ADAMTSL1: variants seen among roughly 807,000 people sequenced by gnomAD.
The protein encoded by ADAMTSL1 is ADAMTS-like protein 1.
Under a neutral mutation model 201.8 loss-of-function variants are expected in ADAMTSL1, and 126 were observed. The ratio of observed to expected loss-of-function variants is 0.62; its 90% CI spans 0.54 to 0.72. ADAMTSL1 has a LOEUF of 0.72. Among genes scored for constraint, ADAMTSL1 ranks in the 30% least tolerant of loss-of-function variants. The pLI, the probability that ADAMTSL1 is intolerant of heterozygous loss-of-function variation, is 0.00. For synonymous variants in ADAMTSL1, 1,121 were observed against 903.4 expected (o/e 1.24, Z -4.32); for missense variants, 2,679 against 2,277.8 (o/e 1.18, Z -3.59).
At chr9:18,182,100 G>T (rs1828507563) in intron 2 of ADAMTSL1, among the ~76,000 whole-genome samples, 1 of 149,138 alleles carries the variant, frequency 6.7e-6, no homozygotes. Flanking sequence ...AGAACTCATG[G>T]ACACAGGAAG....
chr9:18,471,825 G>C (rs1394556427), upstream of ADAMTSL1, among the ~76,000 whole-genome samples: 1 of 152,148 alleles, frequency 6.6e-6, no homozygotes, highest in Non-Finnish European at 1.5e-5. Context: ...CTGTACATTA[G>C]CATGCCCATT....
At chr9:18,619,042 G>T (rs531574496) in intron 4 of ADAMTSL1, among the ~76,000 whole-genome samples, 1 of 152,140 alleles carries the variant, frequency 6.6e-6, no homozygotes. Context: ...TTGAGCAGAC[G>T]CCTGATTTGG....
chr9:18,859,741 A>G (rs1459929451), intron 23 of ADAMTSL1, among the ~76,000 whole-genome samples: 1 of 152,202 alleles, frequency 6.6e-6, no homozygotes, highest in East Asian at 1.9e-4. Context: ...GAAATTCACC[A>G]CAGCGTAGTT....
At chr9:18,844,219 G>T (rs904232769) in intron 23 of ADAMTSL1, among the ~76,000 whole-genome samples, 1 of 152,130 alleles carries the variant, frequency 6.6e-6, no homozygotes, top group Non-Finnish European at 1.5e-5. Flanking sequence ...TTTTGGTGTG[G>T]ATGTCTTTTC....
At chr9:18,030,323 C>T (rs1158616368) in intron 1 of ADAMTSL1, among the ~76,000 whole-genome samples, 1 of 152,018 alleles carries the variant, frequency 6.6e-6, no homozygotes, top group Non-Finnish European at 1.5e-5. Flanking sequence ...CACATGTTCT[C>T]ACTCATAGGT....
chr9:18,216,901 C>T (rs1830076712), intron 2 of ADAMTSL1, among the ~76,000 whole-genome samples: 1 of 152,000 alleles, frequency 6.6e-6, no homozygotes, highest in Admixed American at 6.6e-5. Context: ...TACCCCTTAC[C>T]AGCTGTGTGG....
intron 2 of ADAMTSL1, among the ~76,000 whole-genome samples, chr9:18,522,233 C>T (rs1818741257): frequency 6.6e-6 from 1 of 152,056 alleles, no homozygotes; most frequent in African/African-American, 2.4e-5. Flanking sequence ...CTAACCCATA[C>T]CTCAGCATCA....
intron 23 of ADAMTSL1, among the ~76,000 whole-genome samples, chr9:18,841,780 C>A (rs1466605798): frequency 3.3e-5 from 5 of 152,088 alleles, no homozygotes; most frequent in Non-Finnish European, 5.9e-5. Context: ...GTGTATGTGT[C>A]GAGGAATTTA....
At position 18,905,874 on chromosome 9, in the gene ADAMTSL1, G is replaced by A. The variant is rs370842526; in HGVS notation, c.4944G>A (p.Gln1648=). 2 of 1,611,490 alleles carry A rather than the reference G, an allele frequency of 1.2e-6. No individual in the cohort carries two copies. Among genetic ancestry groups the A allele is most frequent in the Admixed American group, 3.3e-5 (2 of 59,878 alleles). The change falls in exon 27 of 29, where the codon CAG becomes CAA. Residue 1648 remains glutamine, a synonymous_variant. Transcript: ENST00000380548. ...ATGGCATCACCTTACCATCAGAGCA[G>A]TGCAGTGCTCTTCCGAGGTAAGAGA... ...TRDGITLPSE[Q]CSALPRPVST... is the part of the protein sequence containing the mutation.
chr9:18,205,683 C>T (rs1456336695), intron 2 of ADAMTSL1, among the ~76,000 whole-genome samples: 3 of 152,054 alleles, frequency 2.0e-5, no homozygotes, highest in Non-Finnish European at 4.4e-5. Context: ...ATTCATATTT[C>T]CTGGAGCAAG....
intron 1 of ADAMTSL1, among the ~76,000 whole-genome samples, chr9:17,932,795 T>G (rs1211523655): frequency 1.3e-5 from 2 of 152,182 alleles, no homozygotes; most frequent in African/African-American, 4.8e-5. Flanking sequence ...TGTCCTTTTT[T>G]GAAACAAATA....
chr9:18,279,922 A>G (rs1832719896), intron 2 of ADAMTSL1, among the ~76,000 whole-genome samples: 1 of 151,084 alleles, frequency 6.6e-6, no homozygotes, highest in Non-Finnish European at 1.5e-5. Flanking sequence ...GTGGATTATA[A>G]GAACAGACCT....
chr9:17,978,586 C>T (rs1364798404), intron 1 of ADAMTSL1, among the ~76,000 whole-genome samples: 5 of 151,612 alleles, frequency 3.3e-5, no homozygotes, highest in South Asian at 2.1e-4. Context: ...TTTCTCCCTC[C>T]ACATTTTATG....
rs546073449 is a variant in ADAMTSL1, at chr9:17,992,248, C to T, written c.87+85326C>T. The stretch of plus-strand genomic sequence containing the variant: ...GGCAGAGGTCAAGCTAGGGTAGACA[C>T]CTCTTGCTGGGTGTCAGAATCCTGT... On this transcript the variant is annotated intron_variant, in intron 1 of 29. Coordinates refer to the ADAMTSL1 transcript ENST00000680146. Among the ~76,000 whole-genome samples the T allele has an allele frequency of 3.3e-5, 5 of 152,248 alleles. 1 individual carries two copies. In the South Asian group the frequency reaches 6.2e-4, roughly 19 times the overall value.
At chr9:18,102,380 C>G (rs1297033057) in intron 1 of ADAMTSL1, among the ~76,000 whole-genome samples, 1 of 152,080 alleles carries the variant, frequency 6.6e-6, no homozygotes, top group East Asian at 1.9e-4. Flanking sequence ...GCCTGAGAAA[C>G]AGACATGGTA....
chr9:18,868,092 A>G (rs1827655184), intron 23 of ADAMTSL1, among the ~76,000 whole-genome samples: 3 of 152,250 alleles, frequency 2.0e-5, no homozygotes, highest in Admixed American at 2.0e-4. Context: ...ATCTTTTTCT[A>G]TAATGTTTCA....
intron 4 of ADAMTSL1, among the ~76,000 whole-genome samples, chr9:18,614,226 C>G (rs987698354): frequency 6.6e-6 from 1 of 152,132 alleles, no homozygotes; most frequent in African/African-American, 2.4e-5. Flanking sequence ...GCTATGACTG[C>G]TAAACCCCAG....
intron 23 of ADAMTSL1, among the ~76,000 whole-genome samples, chr9:18,855,757 T>C (rs1238707896): frequency 6.6e-6 from 1 of 152,192 alleles, no homozygotes; most frequent in Non-Finnish European, 1.5e-5. Flanking sequence ...GAGCTCCCTG[T>C]ACATTTTGTT....
chr9:18,782,677 C>T (rs781372488), intron 19 of ADAMTSL1, among the ~76,000 whole-genome samples: 2 of 152,044 alleles, frequency 1.3e-5, no homozygotes, highest in African/African-American at 2.4e-5. Context: ...AAAATTAAAA[C>T]GGGTATAATA....
Sources: allele counts gnomAD v4.1 joint callset (sites outside exome capture counted in the v4.1 genomes callset), GRCh38; gene constraint gnomAD v4.1.1; transcripts MANE v1.5; gene names NCBI Gene and HGNC (gene_info 2026-07-23, HGNC 2026-07-21).